TLE3: variants seen among roughly 807,000 people sequenced by gnomAD.
The protein encoded by TLE3 is transducin-like enhancer protein 3.
TLE3 carries 14 observed loss-of-function variants against 93.0 expected under a neutral mutation model. The ratio of observed to expected loss-of-function variants is 0.15; its 90% confidence interval spans 0.10 to 0.24. TLE3 has a LOEUF of 0.24. Among genes scored for constraint, TLE3 ranks in the 10% least tolerant of loss-of-function variants. TLE3 has a pLI of 1.00. For synonymous variants in TLE3, 451 were observed against 425.0 expected (o/e 1.06, Z -0.75); for missense variants, 693 against 1,046.6 (o/e 0.66, Z 4.66).
At chr15:70,070,395 G>C (rs191933891) in intron 6 of TLE3, among the ~76,000 whole-genome samples, 1 of 152,334 alleles carries the variant, frequency 6.6e-6, no homozygotes, top group East Asian at 1.9e-4. Flanking sequence ...TTCATGATTT[G>C]GGTTGAACGT....
chr15:70,051,579 G>A (rs892083428), intron 18 of TLE3, 112 bp from the exon 19 acceptor site: 7 of 608,978 alleles, frequency 1.1e-5, no homozygotes. Context: ...CTGCTAACTA[G>A]TATAACTCTC....
Position 70,058,482 on chromosome 15 carries a change from T to C in TLE3, c.918+181A>G. ...GGTGATCACTCCCATTTTACAGACGTAGCAACCGAGGCTCAGAAACGTTAA... is the reference window on the plus strand; with the variant it reads ...GGTGATCACTCCCATTTTACAGACGCAGCAACCGAGGCTCAGAAACGTTAA... On this transcript the variant is annotated intron_variant, in intron 11 of 19. Coordinates refer to ENST00000451782, the MANE Select transcript of TLE3 (RefSeq NM_001105192.3). The surrounding 1 kb of genome is among the most constrained non-coding windows in gnomAD (Gnocchi z 4.1). 1 of 1,286,424 alleles carries C rather than the reference T, an allele frequency of 7.8e-7. No individual in the cohort carries two copies. 79.7% of individuals were successfully genotyped at this position (1,286,424 alleles called of 1,614,324 possible). A position where few individuals can be genotyped will look rare whatever the true frequency, so the allele number is the denominator to read the frequency against.
At chr15:70,059,797 C>A (rs1401855544) in intron 9 of TLE3, among the ~76,000 whole-genome samples, 2 of 152,232 alleles carry the variant, frequency 1.3e-5, no homozygotes, top group Non-Finnish European at 2.9e-5. Context: ...TTCTTCCCAG[C>A]TGGTTTTACA....
intron 2 of TLE3, chr15:70,095,843 C>G: frequency 1.5e-6 from 1 of 667,854 alleles, no homozygotes; most frequent in South Asian, 1.9e-5. Flanking sequence ...AAACTTCCCG[C>G]GAGCCAAAGG....
intron 7 of TLE3, 80 bp downstream of exon 7, chr15:70,065,934 T>A (rs970198428): frequency 7.0e-7 from 1 of 1,427,090 alleles, no homozygotes; most frequent in African/African-American, 1.4e-5. Flanking sequence ...CAGCACTTGC[T>A]GGGTCCACTC....
At position 70,097,518 on chromosome 15, in the gene TLE3, G is replaced by GT. The variant is rs2058619310; in HGVS notation, c.-721dup. 2 of 402,678 alleles carry GT rather than the reference G, an allele frequency of 5.0e-6. No homozygotes were observed. Among genetic ancestry groups the GT allele is most frequent in the South Asian group, 2.2e-4 (2 of 9,024 alleles). 24.9% of individuals were successfully genotyped at this position (402,678 alleles called of 1,614,324 possible). On this transcript the variant is annotated 5_prime_UTR_variant, in exon 1 of 20. The change abolishes the stop of an existing upstream ORF in the 5' untranslated region. Transcript: ENST00000451782. ...CGGGGAGGAACTCCGGGCTCAGTAG[G>GT]TGCAAATCAAACGCCCTGGCATCCT...
At position 70,054,430 on chromosome 15, in the gene TLE3, C is replaced by T. The variant is rs377507800; in HGVS notation, c.1826+8G>A. ...ACGAGGCACTAATGCTCCCTCCTGC[C>T]GGCTCACCTGACCAGGGTCTGGTTG... On this transcript the variant is annotated splice_region_variant and intron_variant, in intron 16 of 19. Coordinates refer to ENST00000451782, the MANE Select transcript of TLE3 (RefSeq NM_001105192.3). 4.6e-5 allele frequency: 74 copies of T among 1,609,096 alleles called. No individual in the cohort carries two copies. Among genetic ancestry groups the T allele is most frequent in the Non-Finnish European group, 5.6e-5 (66 of 1,176,468 alleles).
At chr15:70,059,564 C>G (rs772378633) in intron 9 of TLE3, 104 bp from the exon 10 acceptor site, 9 of 1,109,154 alleles carry the variant, frequency 8.1e-6, no homozygotes, top group Non-Finnish European at 9.1e-6. Flanking sequence ...GACCTGAAGC[C>G]AGGCCAAACC....
intron 8 of TLE3, among the ~76,000 whole-genome samples, chr15:70,061,270 A>T (rs1421698927): frequency 6.6e-6 from 1 of 152,130 alleles, no homozygotes; most frequent in African/African-American, 2.4e-5. Flanking sequence ...AAAAAACAAA[A>T]ATGCCACGTC....
At chr15:70,074,642 CT>C (rs777596363) in intron 5 of TLE3, 35 bp from the exon 6 acceptor site, 8 of 1,570,760 alleles carry the variant, frequency 5.1e-6, no homozygotes, top group Non-Finnish European at 6.1e-6. Context: ...GATGCAGCCA[CT>C]TTCCTGGACA....
chr15:70,065,973 A>ACCCCAGGCCCCCCCCCC, intron 7 of TLE3, 41 bp downstream of exon 7: 3 of 806,248 alleles, frequency 3.7e-6, no homozygotes, highest in East Asian at 2.7e-5. Flanking sequence ...GCCCATGCCC[A>ACCCCAGGCCCCCCCCCC]CCCCTGCCCC....
At position 70,096,914 on chromosome 15, in the gene TLE3, G is replaced by GC; in HGVS notation, c.-117dup. 1.8e-6 allele frequency: 2 copies of GC among 1,123,108 alleles called. No individual in the cohort carries two copies. The highest frequency in any genetic ancestry group is 2.6e-6 in the Non-Finnish European group (2 of 778,240). 69.6% of individuals were successfully genotyped at this position (1,123,108 alleles called of 1,614,324 possible). On this transcript the variant is annotated 5_prime_UTR_variant, in exon 1 of 20. Coordinates refer to ENST00000451782, the MANE Select transcript of TLE3 (RefSeq NM_001105192.3). ...GGGGCGGCCGGGAAACCGAGAGCTC[G>GC]CCCCCGGCCCCCCCAGCTCGTTCTC...
At chr15:70,091,275 A>C (rs2058294205) in intron 4 of TLE3, among the ~76,000 whole-genome samples, 2 of 152,282 alleles carry the variant, frequency 1.3e-5, no homozygotes, top group South Asian at 4.1e-4. Flanking sequence ...CCACTTTCAA[A>C]AATGTCAGTG....
chr15:70,074,145 C>A (rs1381834350), intron 6 of TLE3, among the ~76,000 whole-genome samples: 1 of 152,268 alleles, frequency 6.6e-6, no homozygotes, highest in Non-Finnish European at 1.5e-5. Context: ...CAGACTTCTG[C>A]CAGGGAGGAG....
At chr15:70,096,513 G>T in intron 1 of TLE3, 1 of 1,241,948 alleles carries the variant, frequency 8.1e-7, no homozygotes, top group Non-Finnish European at 1.1e-6. Context: ...AGACAAGCCG[G>T]GTGAGTTGGG....
At chr15:70,056,575 G>A (rs1179648291) in intron 13 of TLE3, among the ~76,000 whole-genome samples, 2 of 152,176 alleles carry the variant, frequency 1.3e-5, no homozygotes, top group South Asian at 2.1e-4. Context: ...GGGTGACAGT[G>A]CAGACCCCAC....
At chr15:70,086,344 T>C (rs1413295481) in intron 4 of TLE3, among the ~76,000 whole-genome samples, 3 of 152,166 alleles carry the variant, frequency 2.0e-5, no homozygotes, top group Non-Finnish European at 4.4e-5. Context: ...TCAGAATTAA[T>C]CAGTTTCAGA....
chr15:70,079,528 C>T (rs79128009), intron 4 of TLE3: 13,711 of 416,390 alleles, frequency 0.033, 804 homozygotes, highest in East Asian at 0.24. Context: ...TGCTAGTACC[C>T]TCTTGGGGTC....
At chr15:70,064,509 C>T in intron 7 of TLE3, 39 bp from the exon 8 acceptor site, 2 of 1,613,624 alleles carry the variant, frequency 1.2e-6, no homozygotes, top group Non-Finnish European at 8.5e-7. Flanking sequence ...GAAGGTCAGG[C>T]ACCCCAAAAC....
Sources: allele counts gnomAD v4.1 joint callset (sites outside exome capture counted in the v4.1 genomes callset), GRCh38; gene constraint gnomAD v4.1.1; non-coding constraint Gnocchi (gnomAD v3.1); transcripts MANE v1.5; gene names NCBI Gene and HGNC (gene_info 2026-07-23, HGNC 2026-07-21).